Variants in SMCHD1 observed in about 807,000 individuals in gnomAD.
The protein encoded by SMCHD1 is structural maintenance of chromosomes flexible hinge domain containing 1, also known as structural maintenance of chromosomes flexible hinge domain-containing protein 1.
SMCHD1 carries 78 observed loss-of-function variants against 254.7 expected under a neutral mutation model. The observed-to-expected ratio is 0.31, with a 90% CI of 0.26 to 0.37. The LOEUF (loss-of-function observed/expected upper bound fraction) is 0.37, where lower values mean the gene tolerates loss of function less well. SMCHD1 is among the 10% of genes least tolerant of loss of function. The probability of loss-of-function intolerance (pLI) is 1.00; values close to 1 mark genes in which losing one functional copy is unlikely to be tolerated. For missense variants in SMCHD1, 1,840 were observed against 2,408.1 expected (o/e 0.76, Z 4.94); for synonymous variants, 766 against 794.9 (o/e 0.96, Z 0.61).
intron 1 of SMCHD1, among the ~76,000 whole-genome samples, chr18:2,664,367 T>TG (rs2073379460): frequency 6.6e-6 from 1 of 152,010 alleles, no homozygotes; most frequent in African/African-American, 2.4e-5. Flanking sequence ...TTGTTTTTTT[T>TG]TTGTTTCCTA....
Position 2,729,262 on chromosome 18 carries a change from A to G in SMCHD1, c.2914-13A>G, listed in dbSNP as rs1216474554. 3 of 1,437,758 alleles carry G rather than the reference A, an allele frequency of 2.1e-6. No individual in the cohort carries two copies. Among genetic ancestry groups the G allele is most frequent in the African/African-American group, 2.9e-5 (2 of 68,664 alleles). The allele number at this position is 1,437,758 out of a possible 1,614,324, so 89.1% of individuals were successfully genotyped here. Reference sequence around the variant, plus strand: ...TAATAGGGGTCTTACATTATTTTTCATCTTTCAAATAGTTTTCAGGTGCTC... The same window carrying G: ...TAATAGGGGTCTTACATTATTTTTCGTCTTTCAAATAGTTTTCAGGTGCTC... On this transcript the variant is annotated splice_polypyrimidine_tract_variant and intron_variant, in intron 23 of 47. Coordinates refer to ENST00000320876, the MANE Select transcript of SMCHD1 (RefSeq NM_015295.3).
intron 5 of SMCHD1, among the ~76,000 whole-genome samples, chr18:2,685,905 A>G (rs956478249): frequency 6.6e-6 from 1 of 152,232 alleles, no homozygotes; most frequent in Non-Finnish European, 1.5e-5. Flanking sequence ...TTGTCTTTTG[A>G]TAATGCTGCT....
chr18:2,710,903 C>T (rs987647816), intron 17 of SMCHD1, among the ~76,000 whole-genome samples: 1 of 151,080 alleles, frequency 6.6e-6, no homozygotes, highest in Non-Finnish European at 1.5e-5. Context: ...CAAATGTTTT[C>T]TCTGCATCAG....
chr18:2,709,233 T>TGTATATAC (rs1491142388), intron 17 of SMCHD1, among the ~76,000 whole-genome samples: 17 of 54,212 alleles, frequency 3.1e-4, no homozygotes, highest in Admixed American at 9.6e-4. Context: ...TGTATATGTG[T>TGTATATAC]ATATATATAT....
intron 5 of SMCHD1, among the ~76,000 whole-genome samples, chr18:2,683,733 G>A (rs1347754102): frequency 6.6e-6 from 1 of 152,148 alleles, no homozygotes; most frequent in Non-Finnish European, 1.5e-5. Flanking sequence ...TATGCCTTCT[G>A]TGCCTTCTTG....
At chr18:2,705,231 G>A (rs1197026091) in intron 13 of SMCHD1, among the ~76,000 whole-genome samples, 1 of 152,172 alleles carries the variant, frequency 6.6e-6, no homozygotes, top group African/African-American at 2.4e-5. Flanking sequence ...CTGAATTGGA[G>A]TAGTGGAAAT....
chr18:2,748,036 CA>C (rs2075489689), intron 30 of SMCHD1, among the ~76,000 whole-genome samples: 1 of 151,964 alleles, frequency 6.6e-6, no homozygotes, highest in African/African-American at 2.4e-5. Context: ...TGAGGCTAAA[CA>C]AAAAAAGTCT....
intron 41 of SMCHD1, among the ~76,000 whole-genome samples, chr18:2,773,380 A>AT (rs1201629857): frequency 6.6e-6 from 1 of 152,174 alleles, no homozygotes; most frequent in African/African-American, 2.4e-5. Flanking sequence ...AATATGTGAG[A>AT]TTTTTACCAA....
chr18:2,656,127 G>T lies in SMCHD1; in HGVS notation c.52G>T (p.Glu18Ter). 6.7e-7 allele frequency: 1 copy of T among 1,487,236 alleles called. No homozygotes were observed. The highest frequency in any genetic ancestry group is 1.5e-5 in the African/African-American group (1 of 68,246). 92.1% of individuals were successfully genotyped at this position (1,487,236 alleles called of 1,614,324 possible). The stretch of plus-strand genomic sequence containing the variant: ...TGGTGGGGCCTCTGTGGGGACTGAG[G>T]AGGATGGCGGAGGCGTCGGCCACAG... The part of the protein sequence containing the change: ...GPGGASVGTE[E>*]DGGGVGHRTV... Residue 18 changes from glutamate (E) to a stop codon, truncating the protein, a stop_gained, in exon 1 of 48, where the codon GAG becomes TAG. Coordinates refer to ENST00000320876, the MANE Select transcript of SMCHD1 (RefSeq NM_015295.3). LOFTEE classifies it high-confidence loss of function.
intron 23 of SMCHD1, 127 bp from the exon 24 acceptor site, chr18:2,729,148 T>A (rs2075086046): frequency 1.5e-6 from 1 of 682,460 alleles, no homozygotes; most frequent in South Asian, 4.2e-5. Flanking sequence ...TAGTGACTTT[T>A]ACTTAGAATT....
At chr18:2,662,187 A>AG (rs2073293875) in intron 1 of SMCHD1, among the ~76,000 whole-genome samples, 1 of 109,860 alleles carries the variant, frequency 9.1e-6, no homozygotes, top group African/African-American at 3.6e-5. Flanking sequence ...AATAAAATAA[A>AG]TAAATAAATA....
At chr18:2,697,615 TTTC>T (rs1457446322) in intron 9 of SMCHD1, among the ~76,000 whole-genome samples, 5 of 152,240 alleles carry the variant, frequency 3.3e-5, no homozygotes, top group Admixed American at 3.3e-4. Context: ...TGATTTGCTG[TTTC>T]TTTGCTTACT....
At position 2,724,977 on chromosome 18, in the gene SMCHD1, A is replaced by G; in HGVS notation, c.2682A>G (p.Val894=). 1.9e-6 allele frequency: 3 copies of G among 1,582,818 alleles called. No homozygotes were observed. The highest frequency in any genetic ancestry group is 2.6e-6 in the Non-Finnish European group (3 of 1,160,458). ...GAGGTGTTACAGCCAAGGGCCCTGT[A>G]AACTCTTGTCAAGGCAAGGTAAGCA... ...VIRGVTAKGP[V]NSCQGKNYNL... Residue 894 remains valine (V), a synonymous_variant, in exon 21 of 48, where the codon GTA becomes GTG. Coordinates refer to ENST00000320876, the MANE Select transcript of SMCHD1 (RefSeq NM_015295.3).
At chr18:2,788,311 C>T (rs954742559) in intron 45 of SMCHD1, among the ~76,000 whole-genome samples, 6 of 151,968 alleles carry the variant, frequency 3.9e-5, no homozygotes, top group African/African-American at 1.2e-4. Flanking sequence ...TTGCAGACAC[C>T]CTGTTAAGGT....
intron 25 of SMCHD1, among the ~76,000 whole-genome samples, chr18:2,737,723 A>T (rs2075277227): frequency 6.6e-6 from 1 of 152,182 alleles, no homozygotes; most frequent in Admixed American, 6.6e-5. Context: ...CCAAAAATAA[A>T]AATAGAATAT....
At chr18:2,678,623 T>G (rs973576564) in intron 5 of SMCHD1, among the ~76,000 whole-genome samples, 1 of 152,122 alleles carries the variant, frequency 6.6e-6, no homozygotes, top group Non-Finnish European at 1.5e-5. Flanking sequence ...CTGGCTTGTC[T>G]TTTCTAATTA....
intron 3 of SMCHD1, among the ~76,000 whole-genome samples, chr18:2,669,090 A>G (rs1336970059): frequency 6.6e-6 from 1 of 152,012 alleles, no homozygotes; most frequent in Non-Finnish European, 1.5e-5. Flanking sequence ...TCATACCTGT[A>G]ATCCCAGCAC....
At chr18:2,760,540 C>A in intron 34 of SMCHD1, 112 bp from the exon 35 acceptor site, 1 of 682,900 alleles carries the variant, frequency 1.5e-6, no homozygotes. Context: ...ATTAGTAGTT[C>A]TATTCTTCCT....
At chr18:2,703,669 TA>T in intron 12 of SMCHD1, 22 bp from the exon 13 acceptor site, 1 of 1,582,016 alleles carries the variant, frequency 6.3e-7, no homozygotes, top group Non-Finnish European at 8.6e-7. Context: ...CTATATTTCA[TA>T]AAACATTTTA....
Sources: allele counts gnomAD v4.1 joint callset (sites outside exome capture counted in the v4.1 genomes callset), GRCh38; gene constraint gnomAD v4.1.1; transcripts MANE v1.5; gene names NCBI Gene and HGNC (gene_info 2026-07-23, HGNC 2026-07-21).